Variants in FAM13A observed in about 807,000 individuals in gnomAD.
The protein encoded by FAM13A is family with sequence similarity 13 member A.
Under a neutral mutation model 129.6 loss-of-function variants are expected in FAM13A, and 76 were observed. The ratio of observed to expected loss-of-function variants is 0.59; its 90% CI spans 0.49 to 0.71. FAM13A has a LOEUF of 0.71. Among genes scored for constraint, FAM13A ranks in the 30% least tolerant of loss-of-function variants. The probability of loss-of-function intolerance (pLI) is 0.00; values close to 1 mark genes in which losing one functional copy is unlikely to be tolerated. For synonymous variants in FAM13A, 443 were observed against 449.9 expected, an observed-to-expected ratio of 0.98 and a Z score of 0.20; for missense variants, 1,108 against 1,249.3, an observed-to-expected ratio of 0.89 and a Z score of 1.70.
chr4:89,010,901 T>C (rs1485655737), intron 3 of FAM13A, among the ~76,000 whole-genome samples: 1 of 152,094 alleles, frequency 6.6e-6, no homozygotes, highest in Non-Finnish European at 1.5e-5. Flanking sequence ...CAGGCTGGAG[T>C]GCAGTGGTGC....
At chr4:88,871,332 A>G (rs1271034137) in intron 6 of FAM13A, among the ~76,000 whole-genome samples, 1 of 152,200 alleles carries the variant, frequency 6.6e-6, no homozygotes, top group African/African-American at 2.4e-5. Flanking sequence ...GAAGGTCAGT[A>G]ATAACAAACT....
intron 3 of FAM13A, among the ~76,000 whole-genome samples, chr4:89,019,079 A>G (rs1766898025): frequency 6.6e-6 from 1 of 152,252 alleles, no homozygotes; most frequent in Non-Finnish European, 1.5e-5. Flanking sequence ...GGGGAGCTAC[A>G]GACAGGTCTC....
At chr4:88,733,353 C>G (rs1218311791) in intron 21 of FAM13A, among the ~76,000 whole-genome samples, 3 of 152,210 alleles carry the variant, frequency 2.0e-5, no homozygotes, top group Admixed American at 2.0e-4. Flanking sequence ...TTGGCAAAAG[C>G]TAGGTGGCTT....
At chr4:88,990,634 T>G (rs995952376) in intron 4 of FAM13A, 2 of 183,734 alleles carry the variant, frequency 1.1e-5, no homozygotes, top group Non-Finnish European at 2.2e-5. Context: ...ATTTAAAAAA[T>G]TATTCACTAT....
intron 11 of FAM13A, among the ~76,000 whole-genome samples, chr4:88,769,988 T>C (rs1720315668): frequency 1.3e-5 from 2 of 152,186 alleles, no homozygotes; most frequent in African/African-American, 4.8e-5. Context: ...ATCTCCAAGA[T>C]ATTTGTTATA....
At chr4:88,899,318 C>T (rs1272690461) in intron 6 of FAM13A, among the ~76,000 whole-genome samples, 1 of 151,754 alleles carries the variant, frequency 6.6e-6, no homozygotes, top group Non-Finnish European at 1.5e-5. Context: ...AAGAATGATA[C>T]AATGGACTTT....
At chr4:88,827,329 A>G (rs1249554843) in intron 7 of FAM13A, among the ~76,000 whole-genome samples, 1 of 152,122 alleles carries the variant, frequency 6.6e-6, no homozygotes, top group Admixed American at 6.6e-5. Context: ...ACCATTCAAT[A>G]CACGCATTCA....
At chr4:89,048,430 G>C (rs1291768523) in intron 1 of FAM13A, among the ~76,000 whole-genome samples, 2 of 152,128 alleles carry the variant, frequency 1.3e-5, no homozygotes, top group Non-Finnish European at 2.9e-5. Flanking sequence ...AACGTATAGT[G>C]ACATAAAGCA....
In FAM13A at chr4:88,781,235, C is replaced by T. The variant is rs775418806; in HGVS notation, c.1388G>A (p.Arg463Lys). 13 of 1,612,586 alleles carry T rather than the reference C, an allele frequency of 8.1e-6. No individual in the cohort carries two copies. Among genetic ancestry groups the T allele is most frequent in the Non-Finnish European group, 2.5e-6 (3 of 1,179,284 alleles). Residue 463 changes from arginine to lysine, a missense_variant, in exon 11 of 24, where the codon AGG becomes AAG. Arg to Lys is a conservative substitution (Grantham distance 26, BLOSUM62 2). Transcript: ENST00000264344. The stretch of plus-strand genomic sequence containing the variant: ...GGATTTCTGACGTTTAGGCTTGCTC[C>T]TTTCTCCAGCACAACCAAAAGTATT... ...HKNTFGCAGE[R>K]SKPKRQKSST...
At chr4:88,893,538 G>C (rs1444559781) in intron 6 of FAM13A, among the ~76,000 whole-genome samples, 3 of 151,878 alleles carry the variant, frequency 2.0e-5, no homozygotes, top group Non-Finnish European at 1.5e-5. Context: ...CAGGAGAATG[G>C]CGTGAACCCA....
At chr4:88,741,698 G>A (rs1225374653) in intron 19 of FAM13A, among the ~76,000 whole-genome samples, 3 of 152,142 alleles carry the variant, frequency 2.0e-5, no homozygotes, top group African/African-American at 4.8e-5. Flanking sequence ...GAGTACTGAC[G>A]TGATGCCAAA....
chr4:88,757,479 T>A (rs1288711929), intron 14 of FAM13A, among the ~76,000 whole-genome samples: 1 of 151,942 alleles, frequency 6.6e-6, no homozygotes, highest in Non-Finnish European at 1.5e-5. Context: ...AATATATGAA[T>A]TAAAAACTAA....
chr4:88,879,274 C>T (rs1743134875), intron 6 of FAM13A, among the ~76,000 whole-genome samples: 1 of 152,124 alleles, frequency 6.6e-6, no homozygotes, highest in Admixed American at 6.6e-5. Context: ...AGGCAGTACA[C>T]CCAATTATTT....
intron 10 of FAM13A, 61 bp from the exon 11 acceptor site, chr4:88,781,412 T>TG (rs1722832334): frequency 1.0e-5 from 12 of 1,167,632 alleles, no homozygotes; most frequent in Admixed American, 2.2e-5. Context: ...TGAATGATAC[T>TG]CTAACTACAT....
chr4:88,803,208 T>A (rs768940629), intron 8 of FAM13A, among the ~76,000 whole-genome samples: 1 of 152,200 alleles, frequency 6.6e-6, no homozygotes, highest in Non-Finnish European at 1.5e-5. Context: ...TTTGCATTTG[T>A]GAAATAGTTC....
intron 2 of FAM13A, among the ~76,000 whole-genome samples, chr4:89,025,052 A>G (rs1259329675): frequency 6.6e-6 from 1 of 152,178 alleles, no homozygotes; most frequent in East Asian, 1.9e-4. Context: ...AAGAAAATCA[A>G]TCCCTAATTT....
At chr4:88,861,063 T>G (rs991932771) in intron 6 of FAM13A, among the ~76,000 whole-genome samples, 3 of 152,202 alleles carry the variant, frequency 2.0e-5, no homozygotes, top group African/African-American at 7.2e-5. Flanking sequence ...TTAACTTCTC[T>G]GAGGCTCAGC....
At chr4:89,015,959 T>C (rs954601820) in intron 3 of FAM13A, among the ~76,000 whole-genome samples, 1 of 152,104 alleles carries the variant, frequency 6.6e-6, no homozygotes, top group African/African-American at 2.4e-5. Context: ...CTCATACACA[T>C]ATACATACAT....
chr4:88,785,812 T>C (rs914930437), intron 10 of FAM13A, among the ~76,000 whole-genome samples: 4 of 152,112 alleles, frequency 2.6e-5, no homozygotes, highest in Non-Finnish European at 5.9e-5. Context: ...GGCTGGGAGT[T>C]GAAGGACTAT....
Sources: gnomAD v4.1 joint callset for allele counts (sites outside exome capture counted in the v4.1 genomes callset) on GRCh38, gnomAD v4.1.1 for gene constraint, MANE v1.5 for transcripts, NCBI Gene and HGNC (gene_info 2026-07-23, HGNC 2026-07-21) for gene names.